Variants in TRPC7 observed in about 807,000 individuals in gnomAD.
The protein encoded by TRPC7 is short transient receptor potential channel 7.
In TRPC7, 42 loss-of-function variants were observed where a neutral mutation model predicts 90.1. The ratio of observed to expected loss-of-function variants is 0.47; its 90% confidence interval spans 0.36 to 0.60. The LOEUF (loss-of-function observed/expected upper bound fraction) is 0.60. Among genes scored for constraint, TRPC7 ranks in the 20% least tolerant of loss-of-function variants. TRPC7 has a pLI of 0.00. For missense variants in TRPC7, 955 were observed against 1,112.3 expected, an observed-to-expected ratio of 0.86 and a Z score of 2.01; for synonymous variants, 451 against 436.3, an observed-to-expected ratio of 1.03 and a Z score of -0.42.
chr5:136,300,588 C>T lies in TRPC7; in HGVS notation c.963+15009G>A, dbSNP rs139316742. On this transcript the variant is annotated intron_variant, in intron 3 of 11. Coordinates refer to ENST00000513104, the MANE Select transcript of TRPC7 (RefSeq NM_020389.3). ...GATTCTAACAGTGTTTGGCAACTAC[C>T]GGGCAACTACCAGGCCAGAACTGGC... Among the ~76,000 whole-genome samples, 9 of 152,308 alleles carry T rather than the reference C, an allele frequency of 5.9e-5. No individual in the cohort carries two copies. The East Asian group carries it at 9.6e-4, about 16-fold the overall frequency.
chr5:136,259,380 C>T (rs966312545), intron 5 of TRPC7, among the ~76,000 whole-genome samples: 3 of 152,178 alleles, frequency 2.0e-5, no homozygotes, highest in Non-Finnish European at 4.4e-5. Flanking sequence ...TGTTGAGCTC[C>T]ACCTTTGTGC....
intron 2 of TRPC7, among the ~76,000 whole-genome samples, chr5:136,322,374 C>T (rs935433793): frequency 6.6e-6 from 1 of 152,156 alleles, no homozygotes; most frequent in African/African-American, 2.4e-5. Flanking sequence ...GGGTAAATGC[C>T]TAGGAGCGGG....
chr5:136,222,669 T>A (rs1239934079), intron 10 of TRPC7, among the ~76,000 whole-genome samples: 1 of 152,160 alleles, frequency 6.6e-6, no homozygotes, highest in Non-Finnish European at 1.5e-5. Flanking sequence ...CTCAAATAGG[T>A]CTCTTCCTGG....
chr5:136,270,585 C>T (rs1231441309), intron 4 of TRPC7, among the ~76,000 whole-genome samples: 7 of 152,156 alleles, frequency 4.6e-5, no homozygotes, highest in South Asian at 2.1e-4. Flanking sequence ...ATATGCAACA[C>T]GATGCTGGGC....
intron 2 of TRPC7, among the ~76,000 whole-genome samples, chr5:136,339,020 T>C (rs1267870540): frequency 2.0e-5 from 3 of 152,252 alleles, no homozygotes; most frequent in African/African-American, 7.2e-5. Flanking sequence ...TCACTTCCAC[T>C]GGCAACCATT....
At chr5:136,243,583 GT>G (rs746937740) in intron 7 of TRPC7, among the ~76,000 whole-genome samples, 3 of 152,008 alleles carry the variant, frequency 2.0e-5, no homozygotes, top group Non-Finnish European at 2.9e-5. Flanking sequence ...CCTGAGTGAA[GT>G]TGTTTGACTT....
At position 136,238,607 on chromosome 5, in the gene TRPC7, T is replaced by G. The variant is rs145180139; in HGVS notation, c.1845-7058A>C. 2.4e-3 allele frequency among the ~76,000 whole-genome samples: 291 copies of G among 122,632 alleles called. 1 individual carries two copies. The highest frequency in any genetic ancestry group is 8.0e-3 in the African/African-American group (268 of 33,458). The allele number at this position is 122,632 out of a possible 152,430, so 80.5% of individuals were successfully genotyped here. A position where few individuals can be genotyped will look rare whatever the true frequency, so the allele number is the denominator to read the frequency against. On this transcript the variant is annotated intron_variant, in intron 7 of 11. Transcript: ENST00000513104. ...AACTGAATTTTAGTGCATAAAAAGG[T>G]GAGACCCTCTCCCCTGTCAGACAGT...
At chr5:136,218,590 C>T (rs1021950928) in intron 10 of TRPC7, among the ~76,000 whole-genome samples, 47 of 152,186 alleles carry the variant, frequency 3.1e-4, no homozygotes, top group African/African-American at 1.1e-3. Context: ...TAGGTGCAGC[C>T]GGAATTACAG....
At chr5:136,217,812 T>G (rs1755318716) in intron 10 of TRPC7, among the ~76,000 whole-genome samples, 1 of 150,960 alleles carries the variant, frequency 6.6e-6, no homozygotes. Context: ...AGGTCAGGAG[T>G]TCAAGACCAG....
In TRPC7 at chr5:136,226,015, TAAACC is replaced by T. The variant is rs746422378; in HGVS notation, c.2262+14_2262+18del. 7.0e-6 allele frequency: 11 copies of T among 1,567,634 alleles called. 1 individual carries two copies. In the South Asian group the frequency reaches 1.3e-4, roughly 18 times the overall value. On this transcript the variant is annotated intron_variant, in intron 9 of 11. Coordinates refer to ENST00000513104, the MANE Select transcript of TRPC7 (RefSeq NM_020389.3). ...CCTCCTGCTGCCTTCTCCAGCCTCATAAACCACATGCTACCTACCTTGAATTTGGA... is the reference window on the plus strand; with the variant it reads ...CCTCCTGCTGCCTTCTCCAGCCTCATACATGCTACCTACCTTGAATTTGGA...
At chr5:136,246,830 C>T (rs1189079005) in intron 7 of TRPC7, among the ~76,000 whole-genome samples, 1 of 152,152 alleles carries the variant, frequency 6.6e-6, no homozygotes, top group African/African-American at 2.4e-5. Context: ...TGAGTTACAT[C>T]ATCTCACTGA....
chr5:136,255,861 A>G (rs967308121), intron 5 of TRPC7, among the ~76,000 whole-genome samples: 1 of 152,134 alleles, frequency 6.6e-6, no homozygotes, highest in Admixed American at 6.5e-5. Context: ...TGGAATTTGA[A>G]CCCAGAAGGT....
intron 3 of TRPC7, among the ~76,000 whole-genome samples, chr5:136,304,771 T>C (rs1212159152): frequency 6.6e-6 from 1 of 152,128 alleles, no homozygotes; most frequent in Non-Finnish European, 1.5e-5. Context: ...ACACACGTGC[T>C]CTCCCTGCTA....
intron 3 of TRPC7, among the ~76,000 whole-genome samples, chr5:136,288,912 G>A (rs1374776046): frequency 6.6e-6 from 1 of 152,182 alleles, no homozygotes; most frequent in African/African-American, 2.4e-5. Flanking sequence ...ATCAGCTAAG[G>A]ATCTGTAACT....
At chr5:136,308,539 C>T (rs915606594) in intron 3 of TRPC7, among the ~76,000 whole-genome samples, 1 of 152,220 alleles carries the variant, frequency 6.6e-6, no homozygotes, top group Non-Finnish European at 1.5e-5. Flanking sequence ...CTCAGACATC[C>T]TCTAGAAAGC....
chr5:136,299,795 AG>A (rs761812186), intron 3 of TRPC7, among the ~76,000 whole-genome samples: 1 of 152,222 alleles, frequency 6.6e-6, no homozygotes, highest in Non-Finnish European at 1.5e-5. Flanking sequence ...GACAATTTGA[AG>A]ATGGCGCTTG....
intron 5 of TRPC7, among the ~76,000 whole-genome samples, chr5:136,256,813 T>C (rs943316935): frequency 2.0e-5 from 3 of 152,248 alleles, no homozygotes; most frequent in Non-Finnish European, 4.4e-5. Flanking sequence ...CCCTGTACTC[T>C]AGCAAAGCAG....
intron 2 of TRPC7, among the ~76,000 whole-genome samples, chr5:136,355,925 A>G (rs909314458): frequency 2.0e-5 from 3 of 152,234 alleles, no homozygotes; most frequent in African/African-American, 4.8e-5. Context: ...CTGCTATTGA[A>G]AAATGCACTT....
Position 136,247,636 on chromosome 5 carries a change from G to A in TRPC7, c.1679C>T (p.Pro560Leu). ...LSFSRIAYIL[P>L]ANESFGPLQI... Reference sequence around the variant, plus strand: ...CAGGGGCCCAAAACTCTCGTTGGCTGGCAGAATGTATGCAATGCGAGAGAA... The same window carrying A: ...CAGGGGCCCAAAACTCTCGTTGGCTAGCAGAATGTATGCAATGCGAGAGAA... The change falls in exon 7 of 12, where the codon CCA (proline) becomes CTA (leucine). Residue 560 changes from proline (P) to leucine (L), a missense_variant. Pro to Leu is a moderately conservative substitution (Grantham distance 98). This residue lies in a region of TRPC7 where 296 missense variants were observed against 422.7 expected (regional missense o/e 0.70). Transcript: ENST00000513104. This position sits in a 1 kb window ranked among gnomAD's most constrained non-coding sequence, Gnocchi z 4.2. The A allele has an allele frequency of 6.2e-7, 1 of 1,613,998 alleles. No individual in the cohort carries two copies. The highest frequency in any genetic ancestry group is 8.5e-7 in the Non-Finnish European group (1 of 1,179,890).
Sources: gnomAD v4.1 joint callset for allele counts (sites outside exome capture counted in the v4.1 genomes callset) on GRCh38, gnomAD v4.1.1 for gene constraint, gnomAD v4.1.1 regional missense constraint, Gnocchi (gnomAD v3.1) non-coding constraint, MANE v1.5 for transcripts, NCBI Gene and HGNC (gene_info 2026-07-23, HGNC 2026-07-21) for gene names.